TRAPPC10: variants seen among roughly 807,000 people sequenced by gnomAD.
TRAPPC10 encodes the protein TRAPP 130 kDa subunit.
TRAPPC10 carries 23 observed loss-of-function variants against 125.5 expected under a neutral mutation model. The observed-to-expected ratio is 0.18, with a 90% CI of 0.13 to 0.26. The LOEUF (loss-of-function observed/expected upper bound fraction) is 0.26. TRAPPC10 is among the 10% of genes least tolerant of loss of function. The probability of loss-of-function intolerance (pLI) is 1.00; values close to 1 mark genes in which losing one functional copy is unlikely to be tolerated. For missense variants in TRAPPC10, 1,123 were observed against 1,308.4 expected (o/e 0.86, Z 2.19); for synonymous variants, 509 against 518.0 (o/e 0.98, Z 0.24).
chr21:44,041,765 C>T (rs908861649), intron 3 of TRAPPC10, among the ~76,000 whole-genome samples: 1 of 151,984 alleles, frequency 6.6e-6, no homozygotes, highest in African/African-American at 2.4e-5. Flanking sequence ...CTCACTCTGT[C>T]ACTCAGGCTG....
At chr21:44,040,181 G>A (rs557174576) in intron 3 of TRAPPC10, among the ~76,000 whole-genome samples, 1 of 152,070 alleles carries the variant, frequency 6.6e-6, no homozygotes, top group South Asian at 2.1e-4. Context: ...GTTTAATTGA[G>A]GTATTTTTGT....
intron 19 of TRAPPC10, among the ~76,000 whole-genome samples, 155 bp from the exon 20 acceptor site, chr21:44,093,908 G>C (rs2146221349): frequency 6.6e-6 from 1 of 152,308 alleles, no homozygotes; most frequent in South Asian, 2.1e-4. Context: ...AGGTGCTGTG[G>C]GGCCTAAAGC....
At chr21:44,019,626 A>G (rs928885390) in intron 1 of TRAPPC10, among the ~76,000 whole-genome samples, 1 of 152,174 alleles carries the variant, frequency 6.6e-6, no homozygotes, top group South Asian at 2.1e-4. Context: ...GAATCCAGCT[A>G]TATATAGGGC....
chr21:44,037,251 G>T (rs533047381), intron 2 of TRAPPC10, among the ~76,000 whole-genome samples: 1 of 152,268 alleles, frequency 6.6e-6, no homozygotes, highest in South Asian at 2.1e-4. Flanking sequence ...ATTTCTTGAT[G>T]GGTTCCTTCT....
At chr21:44,014,789 C>A (rs1338493626) in intron 1 of TRAPPC10, among the ~76,000 whole-genome samples, 2 of 152,080 alleles carry the variant, frequency 1.3e-5, no homozygotes, top group East Asian at 3.9e-4. Flanking sequence ...AAGGTGCAAA[C>A]TTTCATTCAT....
chr21:44,086,322 A>G (rs1191016710), intron 15 of TRAPPC10, among the ~76,000 whole-genome samples: 2 of 152,216 alleles, frequency 1.3e-5, no homozygotes, highest in Non-Finnish European at 2.9e-5. Context: ...TCTTGGAGTG[A>G]GGGGGAGCCA....
At chr21:44,044,022 A>G (rs951519570) in intron 3 of TRAPPC10, among the ~76,000 whole-genome samples, 2 of 152,200 alleles carry the variant, frequency 1.3e-5, no homozygotes, top group Non-Finnish European at 2.9e-5. Context: ...GTTTTACACC[A>G]CTATAGCTTG....
chr21:44,090,583 T>C (rs1486899280), intron 18 of TRAPPC10, among the ~76,000 whole-genome samples: 2 of 152,086 alleles, frequency 1.3e-5, no homozygotes, highest in Admixed American at 6.5e-5. Flanking sequence ...AAGGCTTGAG[T>C]AGACTCCAGT....
intron 7 of TRAPPC10, 48 bp from the exon 8 acceptor site, chr21:44,074,276 G>C: frequency 6.2e-7 from 1 of 1,611,288 alleles, no homozygotes; most frequent in Non-Finnish European, 8.5e-7. Context: ...GTTCAAGCTA[G>C]AGCTGTCCCG....
At chr21:44,017,340 G>A (rs920177781) in intron 1 of TRAPPC10, among the ~76,000 whole-genome samples, 1 of 152,084 alleles carries the variant, frequency 6.6e-6, no homozygotes, top group Admixed American at 6.6e-5. Context: ...GCTGTGAAAC[G>A]GGTACAGTAC....
intron 4 of TRAPPC10, among the ~76,000 whole-genome samples, chr21:44,053,559 G>A (rs888746417): frequency 2.6e-5 from 4 of 152,176 alleles, no homozygotes; most frequent in Non-Finnish European, 5.9e-5. Context: ...CAAATGTTGT[G>A]AGCATCCTTA....
chr21:44,078,004 C>T (rs990152400), intron 11 of TRAPPC10, among the ~76,000 whole-genome samples: 8 of 151,726 alleles, frequency 5.3e-5, no homozygotes, highest in Admixed American at 6.6e-5. Flanking sequence ...CTTTGAGGTT[C>T]TTTTATTTAA....
chr21:44,086,659 G>A (rs1035160739), intron 15 of TRAPPC10, 143 bp from the exon 16 acceptor site: 1 of 862,736 alleles, frequency 1.2e-6, no homozygotes, highest in East Asian at 2.5e-5. Context: ...AGAAGGGAAT[G>A]GAAGTAGAAG....
intron 1 of TRAPPC10, 77 bp downstream of exon 1, chr21:44,012,637 C>CA: frequency 7.6e-7 from 1 of 1,324,018 alleles, no homozygotes; most frequent in Non-Finnish European, 1.0e-6. Context: ...CCGGCGCCCC[C>CA]AGACCTTCAG....
intron 20 of TRAPPC10, among the ~76,000 whole-genome samples, chr21:44,095,147 T>C (rs2038840812): frequency 1.3e-5 from 2 of 151,074 alleles, no homozygotes; most frequent in Non-Finnish European, 3.0e-5. Context: ...CCTTCTGGGC[T>C]CATTATCTTC....
In TRAPPC10 at chr21:44,085,754, C is replaced by T. The variant is rs527548091; in HGVS notation, c.2381-1048C>T. The stretch of plus-strand genomic sequence containing the variant: ...TTTGAAAGGGTTGATTAAACTTGTC[C>T]GTCTGGCATGGCATTTGAGAAATTC... On this transcript the variant is annotated intron_variant, in intron 15 of 22. Transcript: ENST00000291574. Among the ~76,000 whole-genome samples the T allele has an allele frequency of 3.3e-5, 5 of 152,108 alleles. No homozygotes were observed. In the East Asian group the frequency reaches 7.7e-4, roughly 24 times the overall value.
intron 1 of TRAPPC10, among the ~76,000 whole-genome samples, chr21:44,023,409 C>T (rs4818878): frequency 0.35 from 52,994 of 151,838 alleles, 13,358 homozygotes; most frequent in African/African-American, 0.72. Context: ...TTTTGTTGTT[C>T]GTTTAGTATG....
At chr21:44,049,223 T>TGTAC (rs887123606) in intron 3 of TRAPPC10, among the ~76,000 whole-genome samples, 10 of 152,348 alleles carry the variant, frequency 6.6e-5, no homozygotes, top group African/African-American at 2.2e-4. Context: ...TAGCTGCTTG[T>TGTAC]GTACGTACAT....
chr21:44,091,016 C>T (rs988110649), intron 18 of TRAPPC10, among the ~76,000 whole-genome samples: 1 of 152,016 alleles, frequency 6.6e-6, no homozygotes. Flanking sequence ...CATAGTGAAA[C>T]CCCGTCTCTA....
Sources: allele counts gnomAD v4.1 joint callset (sites outside exome capture counted in the v4.1 genomes callset), GRCh38; gene constraint gnomAD v4.1.1; transcripts MANE v1.5; gene names NCBI Gene and HGNC (gene_info 2026-07-23, HGNC 2026-07-21).